Variants in RBFOX1 observed in about 807,000 individuals in gnomAD.
The protein encoded by RBFOX1 is RNA binding fox-1 homolog 1, also known as RNA binding protein fox-1 homolog 1.
A neutral mutation model predicts 57.7 loss-of-function variants in RBFOX1; 8 were observed. The observed-to-expected ratio is 0.14, with a 90% confidence interval of 0.08 to 0.25. The LOEUF is 0.25. Ranked by LOEUF, RBFOX1 falls within the 10% of genes least tolerant of loss-of-function variation. The pLI is 1.00. For missense variants in RBFOX1, 611 were observed against 548.5 expected (o/e 1.11, Z -1.14); for synonymous variants, 326 against 222.4 (o/e 1.47, Z -4.15).
intron 1 of RBFOX1, among the ~76,000 whole-genome samples, chr16:6,091,984 C>T (rs1159755206): frequency 2.0e-5 from 3 of 152,192 alleles, no homozygotes; most frequent in Admixed American, 1.3e-4. Context: ...TCTGTCCATT[C>T]ATCCACTCAT....
intron 2 of RBFOX1, among the ~76,000 whole-genome samples, chr16:6,373,703 TG>T (rs1405374121): frequency 6.6e-6 from 1 of 152,092 alleles, no homozygotes; most frequent in Non-Finnish European, 1.5e-5. Flanking sequence ...CAAGAGCATT[TG>T]GGTTAGGGGA....
At chr16:6,785,432 A>G (rs2081785646) in intron 3 of RBFOX1, among the ~76,000 whole-genome samples, 1 of 152,154 alleles carries the variant, frequency 6.6e-6, no homozygotes, top group Non-Finnish European at 1.5e-5. Flanking sequence ...GCAAAACTGC[A>G]TTGATCCTTA....
intron 4 of RBFOX1, among the ~76,000 whole-genome samples, chr16:7,208,588 C>A (rs2090466224): frequency 6.6e-6 from 1 of 152,102 alleles, no homozygotes; most frequent in African/African-American, 2.4e-5. Context: ...GTAACCCCAG[C>A]AATTTGGGAG....
chr16:7,042,128 C>T (rs145885142), intron 3 of RBFOX1, among the ~76,000 whole-genome samples: 2 of 152,242 alleles, frequency 1.3e-5, no homozygotes, highest in African/African-American at 4.8e-5. Flanking sequence ...CCTCAATAAG[C>T]CAAGTTTGGA....
At chr16:5,310,085 C>G (rs2064043815) in intron 1 of RBFOX1, among the ~76,000 whole-genome samples, 1 of 152,182 alleles carries the variant, frequency 6.6e-6, no homozygotes, top group South Asian at 2.1e-4. Context: ...TTCCCAGAAT[C>G]TTTCCTGATC....
intron 2 of RBFOX1, among the ~76,000 whole-genome samples, chr16:6,388,816 A>T (rs2092441278): frequency 6.6e-6 from 1 of 152,228 alleles, no homozygotes; most frequent in Non-Finnish European, 1.5e-5. Context: ...TCGGCTAAAT[A>T]AACTAAGCCA....
At chr16:5,940,597 C>G (rs138004440) in intron 4 of RBFOX1, among the ~76,000 whole-genome samples, 8 of 152,168 alleles carry the variant, frequency 5.3e-5, no homozygotes, top group Non-Finnish European at 8.8e-5. Context: ...TCAATCAGGG[C>G]TCTCAGAACA....
intron 3 of RBFOX1, among the ~76,000 whole-genome samples, chr16:6,694,985 G>GA (rs2060802999): frequency 6.6e-6 from 1 of 151,794 alleles, no homozygotes; most frequent in Non-Finnish European, 1.5e-5. Context: ...TAGGTGAAGG[G>GA]AAAAAAATGA....
chr16:6,931,182 T>C (rs929763673), intron 3 of RBFOX1, among the ~76,000 whole-genome samples: 4 of 152,018 alleles, frequency 2.6e-5, no homozygotes, highest in African/African-American at 9.7e-5. Context: ...TAATGCGCTG[T>C]GTAGATATGG....
chr16:5,696,517 T>C (rs1161353521), intron 3 of RBFOX1, among the ~76,000 whole-genome samples: 1 of 152,220 alleles, frequency 6.6e-6, no homozygotes, highest in Non-Finnish European at 1.5e-5. Flanking sequence ...GGAATAAAAT[T>C]ATGTGATCCA....
At chr16:5,259,219 A>G (rs576011032) in intron 1 of RBFOX1, among the ~76,000 whole-genome samples, 2 of 151,492 alleles carry the variant, frequency 1.3e-5, no homozygotes, top group Non-Finnish European at 2.9e-5. Flanking sequence ...CCATAGTTCC[A>G]TGTTTCTACA....
intron 3 of RBFOX1, among the ~76,000 whole-genome samples, chr16:6,716,085 A>G (rs1007253745): frequency 6.6e-6 from 1 of 152,198 alleles, no homozygotes; most frequent in Non-Finnish European, 1.5e-5. Flanking sequence ...CCTGGTGACA[A>G]TATGTGTTTT....
intron 2 of RBFOX1, among the ~76,000 whole-genome samples, chr16:6,527,924 T>TCTC (rs141590449): frequency 0.016 from 2,494 of 152,236 alleles, 64 homozygotes; most frequent in African/African-American, 0.054. Flanking sequence ...TCCACTTTCT[T>TCTC]CCTTTGTTGT....
chr16:5,347,970 C>A (rs1012683650), intron 1 of RBFOX1, among the ~76,000 whole-genome samples: 1 of 146,634 alleles, frequency 6.8e-6, no homozygotes, highest in Non-Finnish European at 1.5e-5. Flanking sequence ...CCACTCCCCA[C>A]CAACCCATCG....
At chr16:5,751,167 C>G (rs1454498781) in intron 3 of RBFOX1, among the ~76,000 whole-genome samples, 1 of 152,118 alleles carries the variant, frequency 6.6e-6, no homozygotes, top group Non-Finnish European at 1.5e-5. Flanking sequence ...TCTGTTCAAT[C>G]CAGACAGTTT....
chr16:5,851,036 C>G (rs910906945), intron 3 of RBFOX1, among the ~76,000 whole-genome samples: 1 of 152,218 alleles, frequency 6.6e-6, no homozygotes, highest in Non-Finnish European at 1.5e-5. Context: ...TCCAGCCTCC[C>G]TGTGGGAGTG....
chr16:7,407,391 T>C (rs866471698), intron 4 of RBFOX1, among the ~76,000 whole-genome samples: 205 of 151,376 alleles, frequency 1.4e-3, no homozygotes, highest in Middle Eastern at 0.01. Context: ...TGTGTGTGTG[T>C]GTGTGTGTGT....
At chr16:5,247,058 C>T (rs1031651518) in intron 1 of RBFOX1, among the ~76,000 whole-genome samples, 1 of 152,192 alleles carries the variant, frequency 6.6e-6, no homozygotes, top group Non-Finnish European at 1.5e-5. Flanking sequence ...AACGTAATAT[C>T]CTCCAGGCTC....
chr16:5,400,942 T>C (rs1042775895), intron 1 of RBFOX1, among the ~76,000 whole-genome samples: 2 of 152,206 alleles, frequency 1.3e-5, no homozygotes, highest in Non-Finnish European at 2.9e-5. Context: ...ATTTTTCTTA[T>C]TGATTTGAAA....
Sources: gnomAD v4.1 joint callset for allele counts (sites outside exome capture counted in the v4.1 genomes callset) on GRCh38, gnomAD v4.1.1 for gene constraint, MANE v1.5 for transcripts, NCBI Gene and HGNC (gene_info 2026-07-23, HGNC 2026-07-21) for gene names.